JAK1: variants seen among roughly 807,000 people sequenced by gnomAD.
JAK1 encodes Janus kinase 1.
Under a neutral mutation model 136.6 loss-of-function variants are expected in JAK1, and 16 were observed. The observed-to-expected ratio is 0.12, with a 90% CI of 0.08 to 0.18. The LOEUF (loss-of-function observed/expected upper bound fraction) is 0.18, where lower values mean the gene tolerates loss of function less well. Among genes scored for constraint, JAK1 ranks in the 10% least tolerant of loss-of-function variants. The pLI is 1.00. For synonymous variants in JAK1, 492 were observed against 519.5 expected (o/e 0.95, Z 0.72); for missense variants, 859 against 1,450.1 (o/e 0.59, Z 6.62).
chr1:64,951,649 CTTTTTTTTTTTTT>C (rs71056071), intron 1 of JAK1, among the ~76,000 whole-genome samples: 2 of 76,962 alleles, frequency 2.6e-5, no homozygotes, highest in Admixed American at 1.9e-4. Flanking sequence ...CAAGTTCTGC[CTTTTTTTTTTTTT>C]TTTTTTTTTT....
intron 22 of JAK1, 70 bp from the exon 23 acceptor site, chr1:64,836,285 T>G: frequency 1.2e-6 from 1 of 864,204 alleles, no homozygotes. Context: ...ACAGGATAAC[T>G]GAAAAATCAC....
chr1:64,898,817 TG>T (rs1645063843), intron 1 of JAK1, among the ~76,000 whole-genome samples: 1 of 152,226 alleles, frequency 6.6e-6, no homozygotes, highest in Admixed American at 6.5e-5. Context: ...TTTCTGGGCC[TG>T]GCCAAAACTG....
chr1:65,066,873 T>A (rs1430445907), intron 1 of JAK1: 3 of 152,520 alleles, frequency 2.0e-5, no homozygotes, highest in East Asian at 3.9e-4. Context: ...GCCAGCACCC[T>A]GGACGCGGGC....
intron 2 of JAK1, among the ~76,000 whole-genome samples, chr1:65,042,108 C>T (rs1003790759): frequency 6.6e-6 from 1 of 151,832 alleles, no homozygotes; most frequent in Non-Finnish European, 1.5e-5. Flanking sequence ...ACCCTCAAAA[C>T]AGAAAACACT....
intron 22 of JAK1, among the ~76,000 whole-genome samples, chr1:64,837,353 C>T (rs1055912975): frequency 1.3e-5 from 2 of 152,134 alleles, no homozygotes; most frequent in East Asian, 1.9e-4. Context: ...TTGGTTATGT[C>T]GTTATGTGGT....
chr1:64,913,417 G>A lies in JAK1; in HGVS notation c.-77-27076C>T, dbSNP rs76609895. 4.2e-3 allele frequency among the ~76,000 whole-genome samples: 638 copies of A among 152,058 alleles called. 6 individuals carry two copies. Among genetic ancestry groups the A allele is most frequent in the African/African-American group, 0.014 (597 of 41,464 alleles). Reference sequence around the variant, plus strand: ...TGCCATGGACTCACTCAACACCATGGCTCAATTTCACTCAATAAATAATTT... The same window carrying A: ...TGCCATGGACTCACTCAACACCATGACTCAATTTCACTCAATAAATAATTT... On this transcript the variant is annotated intron_variant, in intron 1 of 24. Coordinates refer to ENST00000342505, the MANE Select transcript of JAK1 (RefSeq NM_002227.4).
chr1:64,906,301 G>GA (rs1255228061), intron 1 of JAK1, among the ~76,000 whole-genome samples: 2,326 of 108,458 alleles, frequency 0.021, 28 homozygotes, highest in African/African-American at 0.044. Context: ...TCTCAAAAAA[G>GA]AAAAAAAAAA....
At chr1:65,014,889 G>A (rs1405474782) in intron 2 of JAK1, among the ~76,000 whole-genome samples, 1 of 151,946 alleles carries the variant, frequency 6.6e-6, no homozygotes, top group East Asian at 1.9e-4. Context: ...GTTTCACCGT[G>A]TTAGCCAGGA....
At chr1:64,913,670 A>AGGAAGGAAGGAG (rs1645330671) in intron 1 of JAK1, among the ~76,000 whole-genome samples, 3 of 27,162 alleles carry the variant, frequency 1.1e-4, no homozygotes, top group African/African-American at 2.9e-4. Flanking sequence ...GAAGGAAGGA[A>AGGAAGGAAGGAG]GGAAGGAAGG....
chr1:64,998,560 T>C (rs1646724319), intron 2 of JAK1, among the ~76,000 whole-genome samples: 1 of 152,200 alleles, frequency 6.6e-6, no homozygotes, highest in Non-Finnish European at 1.5e-5. Context: ...CTCTTTTAAG[T>C]GGAAAAAGAG....
chr1:64,959,805 A>G (rs1646250883), intron 1 of JAK1, among the ~76,000 whole-genome samples: 1 of 152,242 alleles, frequency 6.6e-6, no homozygotes, highest in Non-Finnish European at 1.5e-5. Context: ...TGCTAACTGA[A>G]ATCTAACATA....
chr1:65,049,501 A>C (rs1647227703), intron 1 of JAK1, among the ~76,000 whole-genome samples: 1 of 152,152 alleles, frequency 6.6e-6, no homozygotes, highest in African/African-American at 2.4e-5. Flanking sequence ...CACGAACTTC[A>C]AAAGAGGTTG....
chr1:64,959,831 T>G (rs967080193), intron 1 of JAK1, among the ~76,000 whole-genome samples: 2 of 152,204 alleles, frequency 1.3e-5, no homozygotes, highest in Non-Finnish European at 2.9e-5. Context: ...TATCTGTTAG[T>G]TTTTGTTTTG....
chr1:65,063,509 A>T (rs1176412554), intron 1 of JAK1, among the ~76,000 whole-genome samples: 1 of 152,204 alleles, frequency 6.6e-6, no homozygotes, highest in Non-Finnish European at 1.5e-5. Context: ...CCACTTTTGA[A>T]ATTAATCCAT....
chr1:64,978,671 G>A (rs1279943983), intron 2 of JAK1, among the ~76,000 whole-genome samples: 2 of 152,114 alleles, frequency 1.3e-5, no homozygotes, highest in African/African-American at 2.4e-5. Context: ...ATATCAGATT[G>A]CTCTGGGCTG....
At chr1:64,995,766 C>T (rs1646698712) in intron 2 of JAK1, among the ~76,000 whole-genome samples, 1 of 152,070 alleles carries the variant, frequency 6.6e-6, no homozygotes, top group Admixed American at 6.5e-5. Context: ...AAACAGGGGT[C>T]TCTCTCTGTC....
intron 2 of JAK1, among the ~76,000 whole-genome samples, chr1:65,032,715 T>C (rs1188174875): frequency 6.6e-6 from 1 of 152,230 alleles, no homozygotes; most frequent in Non-Finnish European, 1.5e-5. Flanking sequence ...AGAAACTACA[T>C]ATGGCCATCT....
In JAK1 at chr1:64,894,311, A is replaced by G. The variant is rs577003960; in HGVS notation, c.-77-7970T>C. On this transcript the variant is annotated intron_variant, in intron 1 of 24. Transcript: ENST00000342505. ...AGTTTGCCCTCAGTTATGTGTCTGC[A>G]CCTCCTTCAGCTTCCACAGCAACAA... Among the ~76,000 whole-genome samples the G allele has an allele frequency of 9.2e-5, 14 of 152,260 alleles. No individual in the cohort carries two copies. The East Asian group carries it at 2.5e-3, about 27-fold the overall frequency.
At chr1:64,916,535 G>A (rs370681090) in intron 1 of JAK1, among the ~76,000 whole-genome samples, 7 of 152,062 alleles carry the variant, frequency 4.6e-5, no homozygotes, top group African/African-American at 1.4e-4. Context: ...TAAAAAGGTT[G>A]GAAGATAATG....
Sources: gnomAD v4.1 joint callset for allele counts (sites outside exome capture counted in the v4.1 genomes callset) on GRCh38, gnomAD v4.1.1 for gene constraint, MANE v1.5 for transcripts, NCBI Gene and HGNC (gene_info 2026-07-23, HGNC 2026-07-21) for gene names.